Variants in EML6 observed in about 807,000 individuals in gnomAD.
The protein encoded by EML6 is EMAP like 6, also known as echinoderm microtubule-associated protein-like 6.
Under a neutral mutation model 240.1 loss-of-function variants are expected in EML6, and 154 were observed. The observed-to-expected ratio is 0.64, with a 90% confidence interval of 0.56 to 0.73. The LOEUF (loss-of-function observed/expected upper bound fraction) is 0.73, where lower values mean the gene tolerates loss of function less well. Ranked by LOEUF, EML6 falls within the 30% of genes least tolerant of loss-of-function variation. EML6 has a pLI of 0.00. For synonymous variants in EML6, 1,148 were observed against 899.0 expected, an observed-to-expected ratio of 1.28 and a Z score of -4.95; for missense variants, 2,964 against 2,474.6, an observed-to-expected ratio of 1.20 and a Z score of -4.20.
Position 54,803,192 on chromosome 2 carries a change from G to A in EML6, c.198-10040G>A, listed in dbSNP as rs190835968. Among the ~76,000 whole-genome samples the A allele has an allele frequency of 1.2e-4, 19 of 152,316 alleles. No individual in the cohort carries two copies. The South Asian group carries it at 3.1e-3, about 25-fold the overall frequency. ...AGAGCAAAACAAAAGCCAGAGCTCCGTGTGAGCTGCCATAGTGTGGTGTCT... is the reference window on the plus strand; with the variant it reads ...AGAGCAAAACAAAAGCCAGAGCTCCATGTGAGCTGCCATAGTGTGGTGTCT... On this transcript the variant is annotated intron_variant, in intron 2 of 41. Transcript: ENST00000356458.
At chr2:54,882,957 C>T (rs1202179253) in intron 17 of EML6, 6 of 150,980 alleles carry the variant, frequency 4.0e-5, no homozygotes, top group South Asian at 4.2e-4. Flanking sequence ...AGCTTCATCG[C>T]TTGATCTATT....
chr2:54,749,713 T>G (rs1485379878), intron 2 of EML6, among the ~76,000 whole-genome samples: 3 of 152,156 alleles, frequency 2.0e-5, no homozygotes, highest in Admixed American at 2.0e-4. Context: ...CTGGAGTATT[T>G]AAGTAATTTG....
intron 5 of EML6, among the ~76,000 whole-genome samples, chr2:54,826,057 T>C (rs1378601462): frequency 1.3e-5 from 2 of 152,228 alleles, no homozygotes; most frequent in Non-Finnish European, 2.9e-5. Flanking sequence ...CTGAATATGC[T>C]ACCTTAAAAT....
At chr2:54,820,574 T>C in intron 5 of EML6, 112 bp downstream of exon 5, 3 of 630,094 alleles carry the variant, frequency 4.8e-6, no homozygotes, top group Non-Finnish European at 8.1e-6. Flanking sequence ...TTTTCTTCAA[T>C]ATAGAGCCCT....
chr2:54,939,755 A>G (rs780520127), intron 28 of EML6, among the ~76,000 whole-genome samples: 2 of 152,188 alleles, frequency 1.3e-5, no homozygotes, highest in East Asian at 1.9e-4. Context: ...GTCCTGGTTT[A>G]ATGAGATTTG....
intron 32 of EML6, 66 bp downstream of exon 32, chr2:54,954,222 C>T (rs1220020989): frequency 7.1e-6 from 10 of 1,413,606 alleles, no homozygotes; most frequent in Middle Eastern, 2.5e-4. Context: ...CCTGTGGGCT[C>T]GAACCCAGAT....
Position 54,954,159 on chromosome 2 carries a change from A to G in EML6, c.4486+3A>G. Reference sequence around the variant, plus strand: ...CACTGTCTGGCGATGGCAGGAAGGTAAACCAGCACTGGGCTTTCTGTCCCT... The same window carrying G: ...CACTGTCTGGCGATGGCAGGAAGGTGAACCAGCACTGGGCTTTCTGTCCCT... On this transcript the variant is annotated splice_donor_region_variant and intron_variant, in intron 32 of 41. Coordinates refer to ENST00000356458, the MANE Select transcript of EML6 (RefSeq NM_001039753.4). 6.5e-7 allele frequency: 1 copy of G among 1,550,282 alleles called. No homozygotes were observed. The highest frequency in any genetic ancestry group is 2.4e-5 in the East Asian group (1 of 40,884).
Position 54,950,668 on chromosome 2 carries a change from G to A in EML6, c.4102G>A (p.Val1368Met). 1.3e-6 allele frequency: 2 copies of A among 1,551,640 alleles called. No individual in the cohort carries two copies. Among genetic ancestry groups the A allele is most frequent in the Non-Finnish European group, 1.7e-6 (2 of 1,146,980 alleles). ...KLVEELALDH[V>M]FGYRGFDCRN... ...AATGCAGGAGCTGGCTCTAGACCAC[G>A]TGTTTGGCTACAGAGGTTTCGACTG... is the stretch of plus-strand genomic sequence containing the variant. The change falls in exon 30 of 42, where the codon GTG becomes ATG. Residue 1368 changes from valine (V) to methionine (M), a missense_variant. Physicochemically the swap from Val to Met is conservative, Grantham distance 21 (BLOSUM62 1). Coordinates refer to ENST00000356458, the MANE Select transcript of EML6 (RefSeq NM_001039753.4).
At chr2:54,922,817 C>T (rs1674329785) in intron 26 of EML6, among the ~76,000 whole-genome samples, 1 of 151,910 alleles carries the variant, frequency 6.6e-6, no homozygotes, top group Non-Finnish European at 1.5e-5. Flanking sequence ...ACTTTGTGAT[C>T]TCACATATAC....
intron 31 of EML6, among the ~76,000 whole-genome samples, chr2:54,953,776 A>C (rs1676097852): frequency 1.3e-5 from 2 of 151,342 alleles, no homozygotes; most frequent in Admixed American, 6.6e-5. Flanking sequence ...AATCCCAGCT[A>C]CTCGGGAGGC....
chr2:54,804,905 C>T (rs570704347), intron 2 of EML6, among the ~76,000 whole-genome samples: 1 of 152,214 alleles, frequency 6.6e-6, no homozygotes, highest in South Asian at 2.1e-4. Flanking sequence ...ACCATTCTTA[C>T]ATCACTTTTC....
chr2:54,908,260 A>C, intron 24 of EML6, among the ~76,000 whole-genome samples: 1 of 148,042 alleles, frequency 6.8e-6, no homozygotes, highest in African/African-American at 2.5e-5. Context: ...CCCAGGTTGG[A>C]GTGCTGTGGT....
Position 54,725,265 on chromosome 2 carries a change from G to T in EML6, c.197+7G>T, listed in dbSNP as rs1023643815. On this transcript the variant is annotated splice_region_variant and intron_variant, in intron 2 of 41. Transcript: ENST00000356458. This position sits in a 1 kb window ranked among gnomAD's most constrained non-coding sequence, Gnocchi z 4.3. ...ACAACGACGACATTATCAGGTAAGG[G>T]GGTGGCCAGGGGCGGCGGGGAGGGG... The T allele has an allele frequency of 7.1e-6, 10 of 1,412,804 alleles. No homozygotes were observed. The African/African-American group carries it at 1.0e-4, about 15-fold the overall frequency. The allele number at this position is 1,412,804 out of a possible 1,614,324, so 87.5% of individuals were successfully genotyped here.
At chr2:54,940,275 G>A (rs11904457) in intron 28 of EML6, among the ~76,000 whole-genome samples, 12,379 of 152,100 alleles carry the variant, frequency 0.081, 555 homozygotes, top group South Asian at 0.14. Flanking sequence ...GATTTGAATG[G>A]GTTTATGAAC....
At chr2:54,856,222 C>T (rs1238794073) in intron 11 of EML6, among the ~76,000 whole-genome samples, 2 of 152,332 alleles carry the variant, frequency 1.3e-5, no homozygotes, top group South Asian at 2.1e-4. Flanking sequence ...ACAGCTTTCC[C>T]TGATACCACT....
intron 26 of EML6, among the ~76,000 whole-genome samples, chr2:54,919,049 C>G (rs893910511): frequency 1.3e-5 from 2 of 152,224 alleles, no homozygotes; most frequent in Non-Finnish European, 2.9e-5. Flanking sequence ...TCTCCTGATT[C>G]CTAAACTTTT....
chr2:54,874,488 C>T (rs533892511), intron 16 of EML6, among the ~76,000 whole-genome samples: 97 of 152,312 alleles, frequency 6.4e-4, no homozygotes, highest in Non-Finnish European at 9.0e-4. Context: ...AGATAACAAT[C>T]ACTGGGAAAG....
At chr2:54,893,416 G>C (rs368791743) in intron 19 of EML6, among the ~76,000 whole-genome samples, 3 of 152,054 alleles carry the variant, frequency 2.0e-5, no homozygotes, top group African/African-American at 4.8e-5. Context: ...GGGAGGGTCC[G>C]AAATCATCCT....
At chr2:54,896,155 A>G (rs1672753313) in intron 21 of EML6, among the ~76,000 whole-genome samples, 1 of 152,198 alleles carries the variant, frequency 6.6e-6, no homozygotes, top group African/African-American at 2.4e-5. Flanking sequence ...CAAGGTCCCC[A>G]AGAGCCTTAT....
Sources: allele counts gnomAD v4.1 joint callset (sites outside exome capture counted in the v4.1 genomes callset), GRCh38; gene constraint gnomAD v4.1.1; non-coding constraint Gnocchi (gnomAD v3.1); transcripts MANE v1.5; gene names NCBI Gene and HGNC (gene_info 2026-07-23, HGNC 2026-07-21).